The following PIEZO1 variants were observed in gnomAD, a reference collection of about 807,000 sequenced individuals.
The protein encoded by PIEZO1 is piezo type mechanosensitive ion channel component 1 (Er blood group).
Under a neutral mutation model 297.2 loss-of-function variants are expected in PIEZO1, and 296 were observed. That is an observed-to-expected ratio of 1.00 (90% confidence interval 0.91 to 1.10). PIEZO1 has a LOEUF of 1.10. Ranked by LOEUF, PIEZO1 falls within the 50% of genes least tolerant of loss-of-function variation. The pLI, the probability that PIEZO1 is intolerant of heterozygous loss-of-function variation, is 0.00. For synonymous variants in PIEZO1, 2,427 were observed against 1,507.5 expected, an observed-to-expected ratio of 1.61 and a Z score of -14.13; for missense variants, 5,018 against 3,455.5, an observed-to-expected ratio of 1.45 and a Z score of -11.34.
In PIEZO1 at chr16:88,725,451, T is replaced by C. The variant is rs1284699450; in HGVS notation, c.4127A>G (p.Asp1376Gly). ...QGRVDRSRPQ[D>G]TLGPKDPGLE... ...GCCGGGGTCCTTGGGGCCCAGGGTG[T>C]CCTGGGGGCGACTGCGGTCCACCCG... The change falls in exon 29 of 51, where the codon GAC becomes GGC. Residue 1376 changes from aspartate to glycine, a missense_variant. By Grantham distance (94) the Asp-to-Gly change is moderately conservative. Coordinates refer to ENST00000301015, the MANE Select transcript of PIEZO1 (RefSeq NM_001142864.4). 6.7e-7 allele frequency: 1 copy of C among 1,495,270 alleles called. No homozygotes were observed. The highest frequency in any genetic ancestry group is 2.5e-5 in the East Asian group (1 of 40,204). The allele number at this position is 1,495,270 out of a possible 1,614,324, so 92.6% of individuals were successfully genotyped here.
chr16:88,743,015 A>C (rs1358706628), intron 2 of PIEZO1: 1 of 455,254 alleles, frequency 2.2e-6, no homozygotes, highest in Admixed American at 2.4e-5. Context: ...CATTTCAGGC[A>C]CCTGCTGTGC....
chr16:88,725,988 A>T, intron 27 of PIEZO1: 1 of 567,634 alleles, frequency 1.8e-6, no homozygotes, highest in Non-Finnish European at 3.1e-6. Context: ...GACACCACAC[A>T]GTGGCCCTCC....
In PIEZO1 at chr16:88,723,091, G is replaced by A. The variant is rs140520334; in HGVS notation, c.4495+4C>T. The A allele has an allele frequency of 6.4e-3, 9,847 of 1,547,388 alleles. 40 individuals are homozygous for A. The highest frequency in any genetic ancestry group is 7.8e-3 in the Non-Finnish European group (8,902 of 1,146,576). ...TCCCACTCCCCAGCCCCGGGCCCAC[G>A]TACCTGCCGCTGCCTCCTCGGGGCC... On this transcript the variant is annotated splice_donor_region_variant and intron_variant, in intron 33 of 50. Transcript: ENST00000301015.
At chr16:88,771,718 C>A (rs961746852) in intron 1 of PIEZO1, among the ~76,000 whole-genome samples, 4 of 152,108 alleles carry the variant, frequency 2.6e-5, no homozygotes, top group Admixed American at 6.5e-5. Flanking sequence ...CGTCCAGATG[C>A]CCGTCCACCC....
At chr16:88,768,701 C>A (rs1210461266) in intron 1 of PIEZO1, among the ~76,000 whole-genome samples, 3 of 152,196 alleles carry the variant, frequency 2.0e-5, no homozygotes, top group African/African-American at 7.2e-5. Flanking sequence ...ATGGATGCGC[C>A]CTTCCTGGCA....
intron 1 of PIEZO1, among the ~76,000 whole-genome samples, chr16:88,773,823 G>A (rs185616685): frequency 6.6e-6 from 1 of 152,216 alleles, no homozygotes; most frequent in East Asian, 1.9e-4. Context: ...GTCTTAGGAA[G>A]AGGGTCACTC....
intron 1 of PIEZO1, among the ~76,000 whole-genome samples, chr16:88,777,654 T>C (rs1907727292): frequency 2.0e-5 from 3 of 152,374 alleles, no homozygotes; most frequent in Middle Eastern, 3.4e-3. Context: ...TTTTAAACGG[T>C]ACTTTAACCA....
chr16:88,775,724 G>A (rs1907627565), intron 1 of PIEZO1, among the ~76,000 whole-genome samples: 1 of 70,844 alleles, frequency 1.4e-5, no homozygotes, highest in Admixed American at 1.7e-4. Flanking sequence ...ATAAGACGCT[G>A]TCAAAAAAAA....
Position 88,735,101 on chromosome 16 carries a change from G to A in PIEZO1, c.1669+34C>T, listed in dbSNP as rs1430251694. ...GCGATGGCATCAGGGCGGGCAGGCA[G>A]GAGGGCAACCCCCGCCTCTGGCCCA... On this transcript the variant is annotated intron_variant, in intron 13 of 50. Coordinates refer to ENST00000301015, the MANE Select transcript of PIEZO1 (RefSeq NM_001142864.4). 3.9e-6 allele frequency: 6 copies of A among 1,549,696 alleles called. No individual in the cohort carries two copies. The African/African-American group carries it at 6.8e-5, about 18-fold the overall frequency.
chr16:88,751,902 C>T (rs1175814660), intron 1 of PIEZO1, among the ~76,000 whole-genome samples: 1 of 152,138 alleles, frequency 6.6e-6, no homozygotes, highest in African/African-American at 2.4e-5. Context: ...TCTGACCTGC[C>T]AGGAACGTCC....
rs570074079 is a variant in PIEZO1, at chr16:88,735,148, G to A, written c.1656C>T (p.Thr552=). Reference sequence around the variant, plus strand: ...CCCACCACTCACCTGTGTCTGCCACGGTGACCTCCGTCAGCGCAGCTGGAG... The same window carrying A: ...CCCACCACTCACCTGTGTCTGCCACAGTGACCTCCGTCAGCGCAGCTGGAG... The part of the protein sequence containing the change: ...AESPAALTEV[T]VADTEPTRTQ... Residue 552 remains threonine (T), a synonymous_variant, in exon 13 of 51, where the codon ACC becomes ACT. Coordinates refer to ENST00000301015, the MANE Select transcript of PIEZO1 (RefSeq NM_001142864.4). The A allele has an allele frequency of 1.0e-4, 161 of 1,550,238 alleles. No homozygotes were observed. In the East Asian group the frequency reaches 3.4e-3, roughly 32 times the overall value.
chr16:88,775,770 G>GCAGGA (rs1329145603), intron 1 of PIEZO1, among the ~76,000 whole-genome samples: 2 of 151,952 alleles, frequency 1.3e-5, no homozygotes, highest in Non-Finnish European at 2.9e-5. Flanking sequence ...ATGGCGAAGG[G>GCAGGA]CAGGACAGGA....
chr16:88,769,635 G>A (rs1228453043), intron 1 of PIEZO1, among the ~76,000 whole-genome samples: 2 of 152,238 alleles, frequency 1.3e-5, no homozygotes. Flanking sequence ...CTGGGGACCT[G>A]CAGCCTCCAG....
rs896559786 is a variant in PIEZO1 at position 88,723,828 on chromosome 16, G to C, written c.4335+43C>G. The C allele has an allele frequency of 3.9e-6, 4 of 1,036,010 alleles. No individual in the cohort carries two copies. The African/African-American group carries it at 4.7e-5, about 12-fold the overall frequency. The allele number at this position is 1,036,010 out of a possible 1,614,324, so 64.2% of individuals were successfully genotyped here. On this transcript the variant is annotated intron_variant, in intron 31 of 50. Transcript: ENST00000301015. ...ATGCTGCCCTGGTCCAGGACCACAA[G>C]CTCTGTGGTTGGAGTGGGGCCGACG...
intron 27 of PIEZO1, 157 bp from the exon 28 acceptor site, chr16:88,725,841 C>T: frequency 1.6e-6 from 1 of 619,168 alleles, no homozygotes; most frequent in Non-Finnish European, 2.9e-6. Flanking sequence ...CTGCCCCCAC[C>T]CTCCGTGCTG....
Position 88,734,496 on chromosome 16 carries a change from G to C in PIEZO1, c.2040C>G (p.Leu680=), listed in dbSNP as rs761259080. Residue 680 remains leucine, a synonymous_variant, in exon 16 of 51, where the codon CTC becomes CTG. Coordinates refer to ENST00000301015, the MANE Select transcript of PIEZO1 (RefSeq NM_001142864.4). ...LGLEQFSVSE[L]FSSILVPGFF... Reference sequence around the variant, plus strand: ...AGCCGGGCACCAGGATGCTGGAGAAGAGCTCGGACACGCTGAACTGCTCCA... The same window carrying C: ...AGCCGGGCACCAGGATGCTGGAGAACAGCTCGGACACGCTGAACTGCTCCA... 4.2e-5 allele frequency: 65 copies of C among 1,548,988 alleles called. No individual in the cohort carries two copies. The highest frequency in any genetic ancestry group is 5.7e-5 in the Non-Finnish European group (65 of 1,146,302).
intron 8 of PIEZO1, 32 bp from the exon 9 acceptor site, chr16:88,737,846 G>A (rs1395765709): frequency 6.5e-7 from 1 of 1,533,908 alleles, no homozygotes. Flanking sequence ...GCCCAAACCA[G>A]CTCCACACCC....
intron 1 of PIEZO1, among the ~76,000 whole-genome samples, chr16:88,752,046 G>A (rs932976729): frequency 3.3e-5 from 5 of 152,270 alleles, no homozygotes; most frequent in Non-Finnish European, 7.3e-5. Flanking sequence ...CCCTGAGGCT[G>A]TGGGGAGGCC....
intron 27 of PIEZO1, chr16:88,725,983 C>T (rs1904395497): frequency 8.8e-6 from 5 of 568,082 alleles, no homozygotes; most frequent in Non-Finnish European, 1.6e-5. Flanking sequence ...GTCGTGACAC[C>T]ACACAGTGGC....
Sources: gnomAD v4.1 joint callset for allele counts (sites outside exome capture counted in the v4.1 genomes callset) on GRCh38, gnomAD v4.1.1 for gene constraint, MANE v1.5 for transcripts, NCBI Gene and HGNC (gene_info 2026-07-23, HGNC 2026-07-21) for gene names.